Variants in USH2A observed in about 807,000 individuals in gnomAD.
USH2A encodes usherin.
A neutral mutation model predicts 538.9 loss-of-function variants in USH2A; 443 were observed. The observed-to-expected ratio is 0.82, with a 90% CI of 0.76 to 0.89. The LOEUF (loss-of-function observed/expected upper bound fraction) is 0.89, where lower values mean the gene tolerates loss of function less well. Among genes scored for constraint, USH2A ranks in the 40% least tolerant of loss-of-function variants. USH2A has a pLI of 0.00. For missense variants in USH2A, 6,633 were observed against 6,324.8 expected (o/e 1.05, Z -1.65); for synonymous variants, 2,413 against 2,273.5 (o/e 1.06, Z -1.75).
chr1:215,667,568 C>T (rs992767760), intron 64 of USH2A, among the ~76,000 whole-genome samples: 2 of 151,828 alleles, frequency 1.3e-5, no homozygotes, highest in Non-Finnish European at 1.5e-5. Flanking sequence ...CGCATGGTGG[C>T]GGGCGCCTGT....
chr1:216,201,449 G>T (rs1020757710), intron 16 of USH2A, among the ~76,000 whole-genome samples: 12 of 151,900 alleles, frequency 7.9e-5, no homozygotes, highest in Admixed American at 6.6e-4. Flanking sequence ...GAATAGCTGG[G>T]ACTACAGGTG....
At chr1:216,207,252 T>C (rs1274558972) in intron 16 of USH2A, 21 bp downstream of exon 16, 1 of 1,613,620 alleles carries the variant, frequency 6.2e-7, no homozygotes, top group East Asian at 2.2e-5. Context: ...TTTATTTCTA[T>C]TACCAAACCC....
At chr1:215,838,898 G>A (rs529250088) in intron 46 of USH2A, among the ~76,000 whole-genome samples, 12 of 152,286 alleles carry the variant, frequency 7.9e-5, no homozygotes, top group African/African-American at 2.6e-4. Flanking sequence ...TTTACTTTAA[G>A]CATCTAATAT....
At chr1:216,310,548 C>T (rs2037401276) in intron 9 of USH2A, among the ~76,000 whole-genome samples, 1 of 151,714 alleles carries the variant, frequency 6.6e-6, no homozygotes, top group Non-Finnish European at 1.5e-5. Context: ...TTTTTTTCTC[C>T]TCGACCATAT....
Position 216,315,991 on chromosome 1 carries a change from T to C in USH2A, c.1644+5892A>G, listed in dbSNP as rs574428471. ...AGTAAATTAAGCATTTACTGCTTTT[T>C]TTTCATTCTTGGAAAGAAATGCGAC... is the stretch of plus-strand genomic sequence containing the variant. On this transcript the variant is annotated intron_variant, in intron 9 of 71. Transcript: ENST00000307340. Among the ~76,000 whole-genome samples the C allele has an allele frequency of 2.6e-5, 4 of 152,300 alleles. No homozygotes were observed. In the East Asian group the frequency reaches 7.7e-4, roughly 29 times the overall value.
At position 215,965,360 on chromosome 1, in the gene USH2A, T is replaced by C. The variant is rs1311422122; in HGVS notation, c.7077A>G (p.Leu2359=). The change falls in exon 37 of 72, where the codon TTA becomes TTG. Residue 2359 remains leucine, a synonymous_variant. Coordinates refer to ENST00000307340, the MANE Select transcript of USH2A (RefSeq NM_206933.4). ...TCCCAGTGAAAAGGACTGAGTGTGT[T>C]AAGAGTCCATTAGGGCGAAAAGGTG... ...WEAPFRPNGL[L]THSVLFTGIF... is the part of the protein sequence containing the mutation. The C allele has an allele frequency of 2.5e-6, 4 of 1,613,786 alleles. No homozygotes were observed. The African/African-American group carries it at 5.3e-5, about 22-fold the overall frequency.
intron 13 of USH2A, among the ~76,000 whole-genome samples, chr1:216,241,345 C>A (rs2035933525): frequency 6.6e-6 from 1 of 152,120 alleles, no homozygotes; most frequent in Admixed American, 6.6e-5. Context: ...AATGATAAGG[C>A]AGGGCTCTTT....
intron 61 of USH2A, among the ~76,000 whole-genome samples, chr1:215,681,013 T>C (rs1658210068): frequency 6.6e-6 from 1 of 152,190 alleles, no homozygotes. Context: ...TTTTCATTTG[T>C]TAAAAGCACC....
chr1:216,330,570 G>T (rs189646985), intron 4 of USH2A, among the ~76,000 whole-genome samples: 6 of 151,932 alleles, frequency 3.9e-5, no homozygotes, highest in African/African-American at 7.3e-5. Context: ...AGAATAAAAG[G>T]GGGGAGGTTA....
At chr1:215,759,266 T>C (rs1320881978) in intron 57 of USH2A, among the ~76,000 whole-genome samples, 1 of 152,118 alleles carries the variant, frequency 6.6e-6, no homozygotes, top group Non-Finnish European at 1.5e-5. Flanking sequence ...TATTCACAAC[T>C]ATATGTGGTG....
intron 8 of USH2A, 65 bp downstream of exon 8, chr1:216,323,409 T>A: frequency 6.6e-7 from 1 of 1,523,636 alleles, no homozygotes; most frequent in South Asian, 1.1e-5. Flanking sequence ...CTCTGACATC[T>A]TAATGTGCTG....
intron 11 of USH2A, among the ~76,000 whole-genome samples, chr1:216,257,935 T>A (rs1270488889): frequency 6.6e-6 from 1 of 152,102 alleles, no homozygotes; most frequent in Non-Finnish European, 1.5e-5. Flanking sequence ...CATATTTTTA[T>A]GTAGCTTTTA....
intron 44 of USH2A, among the ~76,000 whole-genome samples, chr1:215,854,960 A>G (rs959982738): frequency 4.6e-5 from 7 of 152,172 alleles, no homozygotes; most frequent in African/African-American, 1.7e-4. Context: ...CAGCTTGCTT[A>G]TCTATGTCTG....
chr1:215,793,158 T>C (rs1432880933), intron 50 of USH2A, among the ~76,000 whole-genome samples: 1 of 152,172 alleles, frequency 6.6e-6, no homozygotes. Context: ...AGAAAAGCAT[T>C]TATAAGCATA....
chr1:215,984,080 A>C (rs1667815464), intron 35 of USH2A, among the ~76,000 whole-genome samples: 1 of 152,294 alleles, frequency 6.6e-6, no homozygotes, highest in South Asian at 2.1e-4. Flanking sequence ...CCATGGACAA[A>C]CCAACAGGAA....
chr1:216,247,095 C>T lies in USH2A; in HGVS notation c.2299G>A (p.Glu767Lys). 2.5e-6 allele frequency: 4 copies of T among 1,611,000 alleles called. No individual in the cohort carries two copies. The highest frequency in any genetic ancestry group is 3.4e-6 in the Non-Finnish European group (4 of 1,177,196). Reference protein sequence around the residue: ...KFCNPHSGQCECKKEAKGLQC... With the variant: ...KFCNPHSGQCKCKKEAKGLQC... ...AGTCCTTTGGCTTCTTTTTTGCACT[C>T]ACACTGCCCAGAGTGAGGATTGCAG... The change falls in exon 13 of 72, where the codon GAG becomes AAG. Residue 767 changes from glutamate to lysine, a missense_variant. Glu to Lys is a moderately conservative substitution (Grantham distance 56). Coordinates refer to ENST00000307340, the MANE Select transcript of USH2A (RefSeq NM_206933.4).
intron 45 of USH2A, 96 bp downstream of exon 45, chr1:215,845,728 T>C: frequency 7.1e-7 from 1 of 1,400,364 alleles, no homozygotes; most frequent in Non-Finnish European, 1.0e-6. Context: ...ACACCGGAAA[T>C]TTTATAATGG....
intron 9 of USH2A, among the ~76,000 whole-genome samples, chr1:216,321,075 T>G (rs997429591): frequency 6.6e-6 from 1 of 152,166 alleles, no homozygotes; most frequent in African/African-American, 2.4e-5. Flanking sequence ...CACTAAAAGT[T>G]TAAGCCACAT....
At chr1:216,219,471 T>G (rs2035410842) in intron 14 of USH2A, among the ~76,000 whole-genome samples, 1 of 152,128 alleles carries the variant, frequency 6.6e-6, no homozygotes. Flanking sequence ...TCCAAGACTC[T>G]TTAGCAAATA....
Sources: gnomAD v4.1 joint callset for allele counts (sites outside exome capture counted in the v4.1 genomes callset) on GRCh38, gnomAD v4.1.1 for gene constraint, MANE v1.5 for transcripts, NCBI Gene and HGNC (gene_info 2026-07-23, HGNC 2026-07-21) for gene names.